The following HPSE2 variants were observed in gnomAD, a reference collection of about 807,000 sequenced individuals.
The protein encoded by HPSE2 is heparanase 2 (inactive).
Under a neutral mutation model 60.5 loss-of-function variants are expected in HPSE2, and 38 were observed. That is an observed-to-expected ratio of 0.63 (90% CI 0.48 to 0.82). The LOEUF (loss-of-function observed/expected upper bound fraction) is 0.82. Ranked by LOEUF, HPSE2 falls within the 40% of genes least tolerant of loss-of-function variation. The pLI, the probability that HPSE2 is intolerant of heterozygous loss-of-function variation, is 0.00. For synonymous variants in HPSE2, 295 were observed against 293.2 expected (o/e 1.01, Z -0.06); for missense variants, 713 against 740.4 (o/e 0.96, Z 0.43).
intron 3 of HPSE2, among the ~76,000 whole-genome samples, chr10:98,986,129 T>G (rs1956341547): frequency 6.6e-6 from 1 of 152,046 alleles, no homozygotes; most frequent in African/African-American, 2.4e-5. Flanking sequence ...ATTTAGCTCT[T>G]CACCAAGTGG....
chr10:99,236,007 T>C (rs1416259994), upstream of HPSE2: 1 of 473,124 alleles, frequency 2.1e-6, no homozygotes, highest in Non-Finnish European at 3.6e-6. Context: ...TTCTTTTTTT[T>C]TTTTAATTTT....
intron 3 of HPSE2, among the ~76,000 whole-genome samples, chr10:98,877,635 AAAT>A (rs902826075): frequency 1.3e-5 from 2 of 151,914 alleles, no homozygotes; most frequent in African/African-American, 4.8e-5. Flanking sequence ...GGAATGTGAC[AAAT>A]AATAAGTAGG....
chr10:99,292,935 C>T, the HPSE2 span, among the ~76,000 whole-genome samples: 6 of 151,994 alleles, frequency 3.9e-5, no homozygotes, highest in Non-Finnish European at 7.4e-5. Flanking sequence ...TGATATACAC[C>T]TTCTCTGCTC....
intron 6 of HPSE2, among the ~76,000 whole-genome samples, chr10:98,690,711 C>G (rs1304179459): frequency 3.3e-5 from 5 of 150,714 alleles, no homozygotes; most frequent in African/African-American, 1.2e-4. Flanking sequence ...TTTATCATTG[C>G]TCTCTATATA....
chr10:98,952,313 T>TC (rs1564685814), intron 3 of HPSE2, among the ~76,000 whole-genome samples: 52 of 96,854 alleles, frequency 5.4e-4, no homozygotes, highest in African/African-American at 1.6e-3. Context: ...AAAGAATTTG[T>TC]TTGTGTGTGT....
chr10:99,037,081 C>T (rs1328540381), intron 3 of HPSE2, among the ~76,000 whole-genome samples: 1 of 152,068 alleles, frequency 6.6e-6, no homozygotes, highest in Non-Finnish European at 1.5e-5. Context: ...CCCAAAAATC[C>T]ATAACTTCAG....
intron 3 of HPSE2, among the ~76,000 whole-genome samples, chr10:99,031,878 C>T (rs1025746866): frequency 3.3e-5 from 5 of 152,206 alleles, no homozygotes; most frequent in Non-Finnish European, 5.9e-5. Context: ...GCACTTTTTA[C>T]GTTTATATAG....
In HPSE2 at chr10:98,732,070, A is replaced by G. The variant is rs918861696; in HGVS notation, c.785-10242T>C. Among the ~76,000 whole-genome samples the G allele has an allele frequency of 2.0e-5, 3 of 152,320 alleles. No individual in the cohort carries two copies. The East Asian group carries it at 5.8e-4, about 29-fold the overall frequency. ...AAAAAGAATAGTATACTTAAGAACAAGTATTTAACAAAAGAAGTACAAAAC... is the reference window on the plus strand; with the variant it reads ...AAAAAGAATAGTATACTTAAGAACAGGTATTTAACAAAAGAAGTACAAAAC... On this transcript the variant is annotated intron_variant, in intron 4 of 11. Transcript: ENST00000370552.
chr10:98,677,845 C>A (rs1197492116), intron 6 of HPSE2, among the ~76,000 whole-genome samples: 1 of 152,140 alleles, frequency 6.6e-6, no homozygotes, highest in Non-Finnish European at 1.5e-5. Context: ...CTTAACAAGT[C>A]ATTCTAATGT....
intron 3 of HPSE2, among the ~76,000 whole-genome samples, chr10:98,870,324 A>C (rs114769878): frequency 4.1e-4 from 62 of 152,316 alleles, no homozygotes; most frequent in African/African-American, 1.5e-3. Flanking sequence ...CAGAGATCTG[A>C]GCTGGCTCTC....
chr10:98,528,209 G>C (rs1458633318), intron 9 of HPSE2, among the ~76,000 whole-genome samples: 1 of 152,090 alleles, frequency 6.6e-6, no homozygotes, highest in East Asian at 1.9e-4. Flanking sequence ...AACAATTAAA[G>C]GGATCCTCAT....
chr10:98,992,783 C>T (rs1956554889), intron 3 of HPSE2, among the ~76,000 whole-genome samples: 2 of 152,138 alleles, frequency 1.3e-5, no homozygotes, highest in South Asian at 4.1e-4. Context: ...AAATGTGATG[C>T]AGGAATCAAA....
At chr10:98,555,985 G>A (rs1564964629) in intron 9 of HPSE2, among the ~76,000 whole-genome samples, 1 of 152,152 alleles carries the variant, frequency 6.6e-6, no homozygotes, top group East Asian at 1.9e-4. Context: ...AGGTGGAAGT[G>A]GAGAGTGTCT....
intron 3 of HPSE2, among the ~76,000 whole-genome samples, chr10:99,119,087 AAG>A (rs1180353373): frequency 3.4e-5 from 2 of 59,026 alleles, no homozygotes; most frequent in Non-Finnish European, 9.7e-5. Flanking sequence ...AAGAGAAAGA[AAG>A]AGAGAGAGAG....
At chr10:98,482,581 C>T (rs1322081013) in intron 11 of HPSE2, 55 bp downstream of exon 11, 3 of 1,610,100 alleles carry the variant, frequency 1.9e-6, no homozygotes, top group African/African-American at 2.7e-5. Flanking sequence ...TCAGCCTCCC[C>T]CTCCCTCAGC....
At position 98,721,690 on chromosome 10, in the gene HPSE2, C is replaced by T. The variant is rs761701445; in HGVS notation, c.923G>A (p.Arg308Gln). The change falls in exon 5 of 12, where the codon CGG (arginine) becomes CAG (glutamine). Residue 308 changes from arginine to glutamine, a missense_variant. Physicochemically the swap from Arg to Gln is conservative, Grantham distance 43. Coordinates refer to ENST00000370552, the MANE Select transcript of HPSE2 (RefSeq NM_021828.5). Reference sequence around the variant, plus strand: ...GAGGGCGATGACATTCTTCCTCGGCCGCCCAATATTAGGGCCATATAAGCT... The same window carrying T: ...GAGGGCGATGACATTCTTCCTCGGCTGCCCAATATTAGGGCCATATAAGCT... ...RASLYGPNIG[R>Q]PRKNVIALLD... The T allele has an allele frequency of 4.0e-5, 65 of 1,613,486 alleles. No individual in the cohort carries two copies. The highest frequency in any genetic ancestry group is 6.7e-5 in the East Asian group (3 of 44,850).
intron 9 of HPSE2, among the ~76,000 whole-genome samples, chr10:98,494,532 A>G (rs922484705): frequency 6.6e-6 from 1 of 152,240 alleles, no homozygotes; most frequent in Non-Finnish European, 1.5e-5. Flanking sequence ...AACATAAAGT[A>G]CATTGATTTC....
chr10:98,522,284 T>TA (rs1033044773), intron 9 of HPSE2, among the ~76,000 whole-genome samples: 3 of 151,484 alleles, frequency 2.0e-5, no homozygotes, highest in South Asian at 2.1e-4. Context: ...CAAAATAATT[T>TA]AAAAAAAAGA....
rs1842876708 is a variant in HPSE2 at position 99,073,883 on chromosome 10, T to G, written c.610+70355A>C. On this transcript the variant is annotated intron_variant, in intron 3 of 11. Transcript: ENST00000370552. Reference sequence around the variant, plus strand: ...TAGTGTATGGAAACAAAAGTGACTTTTATATGTTGATTTTGAATCCTAAAA... The same window carrying G: ...TAGTGTATGGAAACAAAAGTGACTTGTATATGTTGATTTTGAATCCTAAAA... Among the ~76,000 whole-genome samples, 3 of 152,216 alleles carry G rather than the reference T, an allele frequency of 2.0e-5. No individual in the cohort carries two copies. The East Asian group carries it at 5.8e-4, about 29-fold the overall frequency.
Sources: gnomAD v4.1 joint callset for allele counts (sites outside exome capture counted in the v4.1 genomes callset) on GRCh38, gnomAD v4.1.1 for gene constraint, MANE v1.5 for transcripts, NCBI Gene and HGNC (gene_info 2026-07-23, HGNC 2026-07-21) for gene names.